The following FRMD4B variants were observed in gnomAD, a reference collection of about 807,000 sequenced individuals.
The protein encoded by FRMD4B is FERM domain-containing protein 4B.
FRMD4B carries 74 observed loss-of-function variants against 141.5 expected under a neutral mutation model. That is an observed-to-expected ratio of 0.52 (90% CI 0.43 to 0.63). FRMD4B has a LOEUF of 0.63. Among genes scored for constraint, FRMD4B ranks in the 30% least tolerant of loss-of-function variants. FRMD4B has a pLI of 0.00. For synonymous variants in FRMD4B, 506 were observed against 467.9 expected (o/e 1.08, Z -1.05); for missense variants, 1,366 against 1,253.4 (o/e 1.09, Z -1.36).
intron 1 of FRMD4B, among the ~76,000 whole-genome samples, chr3:69,381,258 G>C (rs2106682126): frequency 6.6e-6 from 1 of 152,286 alleles, no homozygotes; most frequent in East Asian, 1.9e-4. Flanking sequence ...TCTAGAAATG[G>C]AAGAAGTGTT....
chr3:69,402,014 G>A (rs1335180598), intron 2 of FRMD4B, among the ~76,000 whole-genome samples: 1 of 152,140 alleles, frequency 6.6e-6, no homozygotes, highest in Non-Finnish European at 1.5e-5. Context: ...ATTCTTGTGG[G>A]ATCTTATACA....
chr3:69,225,219 T>C (rs370537225), intron 7 of FRMD4B, among the ~76,000 whole-genome samples: 1 of 152,180 alleles, frequency 6.6e-6, no homozygotes, highest in Non-Finnish European at 1.5e-5. Context: ...ATCTCTTGAA[T>C]AGAAGATGAC....
At chr3:69,391,231 A>G (rs1170049936) in intron 2 of FRMD4B, among the ~76,000 whole-genome samples, 1 of 148,540 alleles carries the variant, frequency 6.7e-6, no homozygotes, top group Non-Finnish European at 1.5e-5. Context: ...TCATTTATTT[A>G]TTATTTATTT....
At chr3:69,237,265 C>T (rs1359062346) in intron 7 of FRMD4B, among the ~76,000 whole-genome samples, 2 of 152,214 alleles carry the variant, frequency 1.3e-5, no homozygotes, top group Non-Finnish European at 2.9e-5. Flanking sequence ...CTGTGCCAGC[C>T]CTTGCTCTCC....
At chr3:69,493,256 T>C (rs1706332044) in intron 1 of FRMD4B, among the ~76,000 whole-genome samples, 1 of 152,210 alleles carries the variant, frequency 6.6e-6, no homozygotes, top group South Asian at 2.1e-4. Flanking sequence ...TAAGGTCTAA[T>C]CTTACTGCCT....
At chr3:69,328,825 G>C (rs1702266108) in intron 1 of FRMD4B, among the ~76,000 whole-genome samples, 1 of 152,042 alleles carries the variant, frequency 6.6e-6, no homozygotes, top group Admixed American at 6.6e-5. Context: ...CTCACTTCTG[G>C]GAACTGCCTG....
chr3:69,486,974 TC>T (rs1275308506), intron 1 of FRMD4B, among the ~76,000 whole-genome samples: 1 of 152,170 alleles, frequency 6.6e-6, no homozygotes, highest in African/African-American at 2.4e-5. Flanking sequence ...GTCACTATAT[TC>T]CTTAAAAGAT....
chr3:69,408,673 G>T (rs765732335), intron 2 of FRMD4B, among the ~76,000 whole-genome samples: 1 of 152,140 alleles, frequency 6.6e-6, no homozygotes, highest in Non-Finnish European at 1.5e-5. Context: ...GGAGTGGGGG[G>T]TGGACAATAA....
At chr3:69,229,547 A>G (rs1173143948) in intron 7 of FRMD4B, among the ~76,000 whole-genome samples, 1 of 152,218 alleles carries the variant, frequency 6.6e-6, no homozygotes, top group Non-Finnish European at 1.5e-5. Flanking sequence ...TAACACTAAA[A>G]GAGAAAGCCA....
rs192205879 is a variant in FRMD4B at position 69,352,427 on chromosome 3, T to G, written c.162+33401A>C. ...GGTACTATTCCAGTTCCTATTGTGA[T>G]ATATTTAATTTCTTTGATGTTTCTC... On this transcript the variant is annotated intron_variant, in intron 1 of 22. Transcript: ENST00000398540. 1.3e-3 allele frequency among the ~76,000 whole-genome samples: 201 copies of G among 152,334 alleles called. 1 individual carries two copies. Among genetic ancestry groups the G allele is most frequent in the African/African-American group, 4.7e-3 (194 of 41,578 alleles).
In FRMD4B at chr3:69,521,991, A is replaced by G. The variant is rs567892094; in HGVS notation, c.-129+20215T>C. Reference sequence around the variant, plus strand: ...CGATGTTTCCTGAATGAATAAATCAATGAATGCACCCTTTAGCAAGTTGTG... The same window carrying G: ...CGATGTTTCCTGAATGAATAAATCAGTGAATGCACCCTTTAGCAAGTTGTG... On this transcript the variant is annotated intron_variant, in intron 1 of 5. Transcript: ENST00000459638. Among the ~76,000 whole-genome samples, 16 of 152,334 alleles carry G rather than the reference A, an allele frequency of 1.1e-4. No homozygotes were observed. The South Asian group carries it at 3.1e-3, about 30-fold the overall frequency.
chr3:69,453,033 C>T (rs1303463033), intron 1 of FRMD4B, among the ~76,000 whole-genome samples: 1 of 152,190 alleles, frequency 6.6e-6, no homozygotes, highest in Admixed American at 6.5e-5. Context: ...TCAATTTGGC[C>T]TTGCCATGTT....
chr3:69,208,921 G>A (rs1302866256), intron 11 of FRMD4B, among the ~76,000 whole-genome samples: 4 of 152,000 alleles, frequency 2.6e-5, no homozygotes, highest in East Asian at 1.9e-4. Context: ...TGAGGCAGGC[G>A]GATCAGGAGG....
rs375605636 is a variant in FRMD4B, at chr3:69,196,347, G to A, written c.1142C>T (p.Thr381Ile). 1.2e-6 allele frequency: 2 copies of A among 1,611,266 alleles called. No homozygotes were observed. The highest frequency in any genetic ancestry group is 1.7e-6 in the Non-Finnish European group (2 of 1,178,570). ...GGAGGCCCTTTGTGTTCCTGTCTCT[G>A]TCAAATCCATTGCAATCTCATCTAA... ...RSLDEIAMDL[T>I]ETGTQRASKL... is the part of the protein sequence containing the mutation. Residue 381 changes from threonine (T) to isoleucine (I), a missense_variant, in exon 14 of 23, where the codon ACA becomes ATA. Coordinates refer to ENST00000398540, the MANE Select transcript of FRMD4B (RefSeq NM_015123.3).
intron 4 of FRMD4B, among the ~76,000 whole-genome samples, chr3:69,297,361 C>T (rs1701066502): frequency 6.6e-6 from 1 of 152,088 alleles, no homozygotes; most frequent in Admixed American, 6.6e-5. Flanking sequence ...CTTCTCAGCC[C>T]TGAGTGTGGC....
In FRMD4B at chr3:69,180,949, C is replaced by T. The variant is rs779137900; in HGVS notation, c.2801G>A (p.Gly934Glu). ...GCTTGGAGAACAAGGTACTTGCAGCCCCGCAAACCCCAGGCATCTCTGTGA... is the reference window on the plus strand; with the variant it reads ...GCTTGGAGAACAAGGTACTTGCAGCTCCGCAAACCCCAGGCATCTCTGTGA... ...RGSQRCLGFA[G>E]LQVPCSPSSR... is the part of the protein sequence containing the mutation. Residue 934 changes from glycine (G) to glutamate (E), a missense_variant, in exon 21 of 23, where the codon GGG (glycine) becomes GAG (glutamate). By Grantham distance (98) the Gly-to-Glu change is moderately conservative. Transcript: ENST00000398540. 1.2e-6 allele frequency: 2 copies of T among 1,613,050 alleles called. No homozygotes were observed. The highest frequency in any genetic ancestry group is 1.7e-4 in the Middle Eastern group (1 of 6,060).
intron 17 of FRMD4B, among the ~76,000 whole-genome samples, chr3:69,192,966 T>G (rs2092856430): frequency 6.6e-6 from 1 of 151,972 alleles, no homozygotes; most frequent in Non-Finnish European, 1.5e-5. Context: ...TACAGGTATG[T>G]ACCACCATGC....
chr3:69,278,293 C>G (rs997949282), intron 5 of FRMD4B, among the ~76,000 whole-genome samples: 11 of 151,974 alleles, frequency 7.2e-5, no homozygotes, highest in Admixed American at 3.3e-4. Context: ...CTTCTTGAAG[C>G]CTTTATTATT....
rs1168537022 is a variant in FRMD4B, at chr3:69,171,267, C to T, written c.*594G>A. 3 of 152,226 alleles carry T rather than the reference C, an allele frequency of 2.0e-5. No homozygotes were observed. The highest frequency in any genetic ancestry group is 1.3e-4 in the Admixed American group (2 of 15,274). 9.4% of individuals were successfully genotyped at this position (152,226 alleles called of 1,614,324 possible). ...TTTATGGTGCTTATGAAAAACATCA[C>T]TCTTTATAGTATCCTAAAAAACATT... is the stretch of plus-strand genomic sequence containing the variant. On this transcript the variant is annotated 3_prime_UTR_variant, in exon 23 of 23. Coordinates refer to ENST00000398540, the MANE Select transcript of FRMD4B (RefSeq NM_015123.3).
Sources: allele counts gnomAD v4.1 joint callset (sites outside exome capture counted in the v4.1 genomes callset), GRCh38; gene constraint gnomAD v4.1.1; transcripts MANE v1.5; gene names NCBI Gene and HGNC (gene_info 2026-07-23, HGNC 2026-07-21).